The following GRIA1 variants were observed in gnomAD, a reference collection of about 807,000 sequenced individuals.
The protein encoded by GRIA1 is glutamate receptor 1.
In GRIA1, 31 loss-of-function variants were observed where a neutral mutation model predicts 99.2. The observed-to-expected ratio is 0.31, with a 90% CI of 0.23 to 0.42. The LOEUF (loss-of-function observed/expected upper bound fraction) is 0.42, where lower values mean the gene tolerates loss of function less well. GRIA1 is among the 10% of genes least tolerant of loss of function. The pLI is 1.00. For synonymous variants in GRIA1, 438 were observed against 432.4 expected, an observed-to-expected ratio of 1.01 and a Z score of -0.16; for missense variants, 782 against 1,157.5, an observed-to-expected ratio of 0.68 and a Z score of 4.71.
intron 11 of GRIA1, among the ~76,000 whole-genome samples, chr5:153,729,898 AG>A (rs1462310270): frequency 1.3e-5 from 2 of 152,126 alleles, no homozygotes; most frequent in Non-Finnish European, 2.9e-5. Flanking sequence ...GAACTGAACT[AG>A]GTGAGTGGTG....
At chr5:153,538,127 C>G (rs912930438) in intron 2 of GRIA1, among the ~76,000 whole-genome samples, 2 of 152,144 alleles carry the variant, frequency 1.3e-5, no homozygotes, top group African/African-American at 2.4e-5. Flanking sequence ...ATGGCATAGA[C>G]TCAACAACAG....
chr5:153,759,721 A>C (rs1342055841), intron 11 of GRIA1, among the ~76,000 whole-genome samples: 1 of 152,006 alleles, frequency 6.6e-6, no homozygotes, highest in Non-Finnish European at 1.5e-5. Context: ...GAATTACCCT[A>C]ATCCCAAAAC....
At position 153,662,112 on chromosome 5, in the gene GRIA1, C is replaced by G. The variant is rs573208108; in HGVS notation, c.699+6240C>G. 3.3e-4 allele frequency among the ~76,000 whole-genome samples: 51 copies of G among 152,346 alleles called. 2 individuals are homozygous for G. In the South Asian group the frequency reaches 9.9e-3, roughly 30 times the overall value. On this transcript the variant is annotated intron_variant, in intron 5 of 15. Coordinates refer to ENST00000285900, the MANE Select transcript of GRIA1 (RefSeq NM_000827.4). The stretch of plus-strand genomic sequence containing the variant: ...TGCAAAACTTACCTGTGCCTTCCCA[C>G]AAAGCAGCCTTTGAGTATTTGAAAA...
At chr5:153,781,388 C>T (rs1023664632) in intron 13 of GRIA1, among the ~76,000 whole-genome samples, 2 of 152,062 alleles carry the variant, frequency 1.3e-5, no homozygotes, top group Non-Finnish European at 2.9e-5. Context: ...ATTAGTCAAG[C>T]CAGTCTCCCT....
chr5:153,778,219 GTGTGTGTT>G (rs1764399925), intron 13 of GRIA1, among the ~76,000 whole-genome samples: 4 of 135,678 alleles, frequency 2.9e-5, no homozygotes, highest in South Asian at 2.6e-4. Context: ...GTGTGTGTGT[GTGTGTGTT>G]TCAATAGAGA....
chr5:153,698,429 A>G (rs1359715315), intron 9 of GRIA1, among the ~76,000 whole-genome samples: 1 of 152,144 alleles, frequency 6.6e-6, no homozygotes, highest in East Asian at 1.9e-4. Flanking sequence ...ATGACACTAA[A>G]TTGTGCTGGT....
intron 5 of GRIA1, among the ~76,000 whole-genome samples, chr5:153,670,443 A>AT (rs11319462): frequency 0.058 from 8,670 of 149,228 alleles, 280 homozygotes; most frequent in South Asian, 0.11. Flanking sequence ...GATTAATTTC[A>AT]TTTTTTTTTT....
At chr5:153,506,245 T>C (rs888912837) in intron 2 of GRIA1, among the ~76,000 whole-genome samples, 3 of 151,758 alleles carry the variant, frequency 2.0e-5, no homozygotes, top group African/African-American at 7.3e-5. Context: ...CATGAGGTGA[T>C]GGAATTGGCT....
chr5:153,664,048 G>A lies in GRIA1; in HGVS notation c.699+8176G>A, dbSNP rs144337534. Among the ~76,000 whole-genome samples, 760 of 152,304 alleles carry A rather than the reference G, an allele frequency of 5.0e-3. 6 individuals are homozygous for A. The highest frequency in any genetic ancestry group is 0.017 in the African/African-American group (710 of 41,570). ...CACCAGCAGCCTTCAAGCAAGAGGG[G>A]CCCCTTAGCACTAATTTTGGCAGAT... On this transcript the variant is annotated intron_variant, in intron 5 of 15. Transcript: ENST00000285900.
chr5:153,768,571 A>G (rs17115197), intron 12 of GRIA1, among the ~76,000 whole-genome samples: 27,932 of 152,026 alleles, frequency 0.18, 2,739 homozygotes, highest in Middle Eastern at 0.29. Flanking sequence ...TATTTCCATT[A>G]CTTTTCCCTC....
intron 2 of GRIA1, among the ~76,000 whole-genome samples, chr5:153,546,949 C>T (rs1873906): frequency 0.027 from 4,090 of 152,236 alleles, 90 homozygotes; most frequent in Non-Finnish European, 0.04. Flanking sequence ...ATTTTTTCAC[C>T]ATGTTATCCC....
chr5:153,696,811 G>C (rs1581487906), intron 8 of GRIA1, among the ~76,000 whole-genome samples: 1 of 152,218 alleles, frequency 6.6e-6, no homozygotes, highest in East Asian at 1.9e-4. Context: ...ATAGAGATTA[G>C]AGACAGAGAT....
intron 5 of GRIA1, among the ~76,000 whole-genome samples, chr5:153,657,407 G>C (rs771829426): frequency 1.3e-4 from 20 of 152,106 alleles, no homozygotes; most frequent in Non-Finnish European, 1.9e-4. Context: ...AATTTTCCAT[G>C]TTTCCATTAA....
At chr5:153,699,966 A>C (rs1758398651) in intron 10 of GRIA1, among the ~76,000 whole-genome samples, 1 of 152,238 alleles carries the variant, frequency 6.6e-6, no homozygotes, top group South Asian at 2.1e-4. Flanking sequence ...TAGAAAAGAC[A>C]ATGTGAGAAA....
intron 2 of GRIA1, among the ~76,000 whole-genome samples, chr5:153,606,864 TGTTAGTACTTTAAGATGTTTTTCATCCTG>T: frequency 7.0e-6 from 1 of 142,316 alleles, no homozygotes; most frequent in South Asian, 2.6e-4. Context: ...TTATTCAGTT[TGTTAGTACTTTAAGATGTTTTTCATCCTG>T]ATTATGAAAT....
At position 153,791,857 on chromosome 5, in the gene GRIA1, A is replaced by G. The variant is rs184266472; in HGVS notation, c.2271-2764A>G. Among the ~76,000 whole-genome samples, 26 of 151,964 alleles carry G rather than the reference A, an allele frequency of 1.7e-4. No homozygotes were observed. The East Asian group carries it at 5.0e-3, about 29-fold the overall frequency. On this transcript the variant is annotated intron_variant, in intron 13 of 15. Transcript: ENST00000285900. Reference sequence around the variant, plus strand: ...AATAGCTGAGACACATAGGTTATAGATACGTAGGTGATATTGCATTTAGAT... The same window carrying G: ...AATAGCTGAGACACATAGGTTATAGGTACGTAGGTGATATTGCATTTAGAT...
chr5:153,742,831 G>A (rs1761903229), intron 11 of GRIA1, among the ~76,000 whole-genome samples: 2 of 152,172 alleles, frequency 1.3e-5, no homozygotes. Context: ...CAACATGATT[G>A]CATTGAGTCC....
At chr5:153,533,895 G>A (rs902432622) in intron 2 of GRIA1, among the ~76,000 whole-genome samples, 7 of 152,224 alleles carry the variant, frequency 4.6e-5, no homozygotes, top group Non-Finnish European at 8.8e-5. Flanking sequence ...AAGCTTATCT[G>A]AGGTTTAGCA....
intron 11 of GRIA1, 68 bp from the exon 12 acceptor site, chr5:153,764,366 C>G (rs1444184230): frequency 1.6e-6 from 2 of 1,229,630 alleles, no homozygotes; most frequent in African/African-American, 3.0e-5. Flanking sequence ...GACCCGTGCT[C>G]AGTCCCTCCC....
Sources: gnomAD v4.1 joint callset for allele counts (sites outside exome capture counted in the v4.1 genomes callset) on GRCh38, gnomAD v4.1.1 for gene constraint, MANE v1.5 for transcripts, NCBI Gene and HGNC (gene_info 2026-07-23, HGNC 2026-07-21) for gene names.